PALS2: variants seen among roughly 807,000 people sequenced by gnomAD.
The protein encoded by PALS2 is protein associated with LIN7 2, MAGUK p55 family member, also known as protein PALS2.
PALS2 carries 27 observed loss-of-function variants against 61.6 expected under a neutral mutation model. The ratio of observed to expected loss-of-function variants is 0.44; its 90% CI spans 0.32 to 0.60. The LOEUF is 0.60. Ranked by LOEUF, PALS2 falls within the 20% of genes least tolerant of loss-of-function variation. The pLI is 0.05. For missense variants in PALS2, 554 were observed against 639.4 expected, an observed-to-expected ratio of 0.87 and a Z score of 1.44; for synonymous variants, 236 against 218.6, an observed-to-expected ratio of 1.08 and a Z score of -0.70.
rs190516365 is a variant in PALS2 at position 24,606,034 on chromosome 7, A to C, written c.-2-17632A>C. On this transcript the variant is annotated intron_variant, in intron 1 of 11. Coordinates refer to ENST00000222644, the MANE Select transcript of PALS2 (RefSeq NM_001303037.2). ...AGAACATTTCATCTTTTAAAATCCCATGACTTATATGTTAGTTTGTGCTTT... is the reference window on the plus strand; with the variant it reads ...AGAACATTTCATCTTTTAAAATCCCCTGACTTATATGTTAGTTTGTGCTTT... 1.8e-4 allele frequency among the ~76,000 whole-genome samples: 27 copies of C among 152,284 alleles called. No individual in the cohort carries two copies. The East Asian group carries it at 5.0e-3, about 28-fold the overall frequency.
At chr7:24,663,155 A>T (rs1406456215) in intron 5 of PALS2, among the ~76,000 whole-genome samples, 16 of 152,328 alleles carry the variant, frequency 1.1e-4, no homozygotes, top group Non-Finnish European at 1.5e-5. Context: ...TTTATTGTTT[A>T]ATTTTGGTTT....
intron 1 of PALS2, among the ~76,000 whole-genome samples, chr7:24,617,160 A>G (rs1170937451): frequency 6.6e-6 from 1 of 152,088 alleles, no homozygotes; most frequent in East Asian, 1.9e-4. Flanking sequence ...TGCCTGGTCT[A>G]GTCCTTTGTT....
At chr7:24,639,390 C>A (rs1785398434) in intron 2 of PALS2, among the ~76,000 whole-genome samples, 1 of 137,198 alleles carries the variant, frequency 7.3e-6, no homozygotes. Context: ...GTATAATATA[C>A]CTACCTTTGC....
chr7:24,615,965 T>C (rs183791472), intron 1 of PALS2, among the ~76,000 whole-genome samples: 91 of 152,224 alleles, frequency 6.0e-4, no homozygotes, highest in African/African-American at 1.4e-3. Flanking sequence ...ATCATCTCAA[T>C]AGATGCAGAA....
intron 5 of PALS2, among the ~76,000 whole-genome samples, chr7:24,661,572 C>T (rs919461583): frequency 6.6e-5 from 10 of 152,150 alleles, no homozygotes; most frequent in African/African-American, 2.4e-4. Flanking sequence ...TCAATCACTG[C>T]ATCTTTCTTG....
At chr7:24,583,678 T>C (rs1403908663) in intron 1 of PALS2, among the ~76,000 whole-genome samples, 1 of 150,066 alleles carries the variant, frequency 6.7e-6, no homozygotes, top group Non-Finnish European at 1.5e-5. Flanking sequence ...TTTTTTATTA[T>C]ACTTTAAGTT....
At chr7:24,657,989 CAAT>C (rs991569591) in intron 5 of PALS2, among the ~76,000 whole-genome samples, 2 of 149,450 alleles carry the variant, frequency 1.3e-5, no homozygotes, top group Non-Finnish European at 3.0e-5. Flanking sequence ...AAAACTTTGA[CAAT>C]AATTTCTTCA....
chr7:24,619,300 T>C (rs1446085056), intron 1 of PALS2, among the ~76,000 whole-genome samples: 1 of 152,182 alleles, frequency 6.6e-6, no homozygotes, highest in African/African-American at 2.4e-5. Flanking sequence ...CTTTTGTTTG[T>C]TGAATTTGGT....
intron 5 of PALS2, among the ~76,000 whole-genome samples, chr7:24,662,630 G>T (rs1002552435): frequency 2.6e-5 from 4 of 151,968 alleles, no homozygotes; most frequent in African/African-American, 9.7e-5. Context: ...TTAGCCAGGT[G>T]TGGTGGCACA....
At chr7:24,640,062 C>T (rs1188732643) in intron 2 of PALS2, among the ~76,000 whole-genome samples, 2 of 151,926 alleles carry the variant, frequency 1.3e-5, no homozygotes, top group African/African-American at 4.8e-5. Context: ...AGTGATCTGC[C>T]CATCTTGGCC....
rs1788241203 is a variant in PALS2, at chr7:24,687,083, T to C, written c.1447-355T>C. 6.6e-6 allele frequency among the ~76,000 whole-genome samples: 1 copy of C among 152,192 alleles called. No individual in the cohort carries two copies. Among genetic ancestry groups the C allele is most frequent in the South Asian group, 2.1e-4 (1 of 4,836 alleles). On this transcript the variant is annotated intron_variant, in intron 11 of 11. Transcript: ENST00000222644. This position sits in a 1 kb window ranked among gnomAD's most constrained non-coding sequence, Gnocchi z 4.5. ...ACATGGGCCATGAGATAAAAATCTT[T>C]CGAAAAGGATGATATAGTGGAGCTG...
intron 2 of PALS2, among the ~76,000 whole-genome samples, chr7:24,637,033 T>C (rs1028855975): frequency 1.3e-5 from 2 of 152,196 alleles, no homozygotes; most frequent in Non-Finnish European, 2.9e-5. Context: ...CTCTGAATAC[T>C]ATTAAAGCCA....
chr7:24,630,360 GCATT>G (rs533428637), intron 2 of PALS2, among the ~76,000 whole-genome samples: 43 of 152,148 alleles, frequency 2.8e-4, no homozygotes, highest in Non-Finnish European at 5.9e-4. Flanking sequence ...AGGGGGGATA[GCATT>G]AGGAGAAATA....
chr7:24,624,111 G>T (rs1397226862), intron 2 of PALS2: 1 of 1,314,284 alleles, frequency 7.6e-7, no homozygotes, highest in Non-Finnish European at 1.0e-6. Flanking sequence ...CAATGGCAAA[G>T]TACTGATTTT....
intron 1 of PALS2, among the ~76,000 whole-genome samples, chr7:24,575,341 C>G (rs2711094): frequency 0.3 from 44,959 of 151,968 alleles, 8,697 homozygotes; most frequent in East Asian, 0.67. Context: ...CTATATAAGA[C>G]AGAATCTTTT....
At chr7:24,604,159 C>G (rs1217230122) in intron 1 of PALS2, among the ~76,000 whole-genome samples, 1 of 150,244 alleles carries the variant, frequency 6.7e-6, no homozygotes, top group Admixed American at 6.6e-5. Flanking sequence ...TATGATCACA[C>G]CTGTGAATAC....
rs556898187 is a variant in PALS2, at chr7:24,596,512, A to T, written c.-3+22919A>T. Among the ~76,000 whole-genome samples the T allele has an allele frequency of 2.3e-3, 350 of 152,320 alleles. 1 individual carries two copies. The highest frequency in any genetic ancestry group is 7.9e-3 in the African/African-American group (330 of 41,588). ...AGTGATTCTATAATATTTCACATTT[A>T]TGAATGTTTATTAGGTGTGTAAAAC... is the stretch of plus-strand genomic sequence containing the variant. On this transcript the variant is annotated intron_variant, in intron 1 of 11. Coordinates refer to ENST00000222644, the MANE Select transcript of PALS2 (RefSeq NM_001303037.2). This position sits in a 1 kb window ranked among gnomAD's most constrained non-coding sequence, Gnocchi z 4.5.
chr7:24,575,410 G>T (rs1782607080), intron 1 of PALS2, among the ~76,000 whole-genome samples: 1 of 152,030 alleles, frequency 6.6e-6, no homozygotes, highest in South Asian at 2.1e-4. Context: ...AAACATTTGA[G>T]GGAGCAGTTT....
At chr7:24,620,711 GGTATTGCTAATTTGTTACTATTGCTA>G (rs1784466439) in intron 1 of PALS2, among the ~76,000 whole-genome samples, 1 of 152,088 alleles carries the variant, frequency 6.6e-6, no homozygotes, top group Non-Finnish European at 1.5e-5. Context: ...TAATTTGCTA[GGTATTGCTAATTTGTTACTATTGCTA>G]ACAGTATTTT....
Sources: gnomAD v4.1 joint callset for allele counts (sites outside exome capture counted in the v4.1 genomes callset) on GRCh38, gnomAD v4.1.1 for gene constraint, Gnocchi (gnomAD v3.1) non-coding constraint, MANE v1.5 for transcripts, NCBI Gene and HGNC (gene_info 2026-07-23, HGNC 2026-07-21) for gene names.